CREB3L2: variants seen among roughly 807,000 people sequenced by gnomAD.
CREB3L2 encodes cAMP responsive element binding protein 3 like 2.
A neutral mutation model predicts 57.2 loss-of-function variants in CREB3L2; 23 were observed. That is an observed-to-expected ratio of 0.40 (90% CI 0.29 to 0.57). The LOEUF is 0.57. Ranked by LOEUF, CREB3L2 falls within the 20% of genes least tolerant of loss-of-function variation. The pLI, the probability that CREB3L2 is intolerant of heterozygous loss-of-function variation, is 0.42. For missense variants in CREB3L2, 628 were observed against 634.7 expected (o/e 0.99, Z 0.11); for synonymous variants, 268 against 265.1 (o/e 1.01, Z -0.11).
At chr7:137,987,558 T>C (rs1801812869) in intron 1 of CREB3L2, among the ~76,000 whole-genome samples, 1 of 152,260 alleles carries the variant, frequency 6.6e-6, no homozygotes. Flanking sequence ...TGACTCCATA[T>C]GCCAAAAGTC....
At chr7:137,960,640 A>T (rs1285039672) in intron 1 of CREB3L2, among the ~76,000 whole-genome samples, 1 of 152,158 alleles carries the variant, frequency 6.6e-6, no homozygotes, top group Non-Finnish European at 1.5e-5. Context: ...ACATACCTGG[A>T]AAGACATCCA....
At position 137,974,499 on chromosome 7, in the gene CREB3L2, G is replaced by A. The variant is rs189804090; in HGVS notation, c.102+27105C>T. On this transcript the variant is annotated intron_variant, in intron 1 of 11. Coordinates refer to ENST00000330387, the MANE Select transcript of CREB3L2 (RefSeq NM_194071.4). ...CATGGATGGAGCGCAGATTGTCAGG[G>A]AAGAGATCAGATGTCAGGGAAGAAA... 1.4e-4 allele frequency among the ~76,000 whole-genome samples: 21 copies of A among 152,306 alleles called. No individual in the cohort carries two copies. The East Asian group carries it at 4.1e-3, about 29-fold the overall frequency.
chr7:137,887,159 G>A (rs1050404957), intron 8 of CREB3L2, among the ~76,000 whole-genome samples: 1 of 152,102 alleles, frequency 6.6e-6, no homozygotes, highest in Admixed American at 6.5e-5. Flanking sequence ...GAATGCTGTG[G>A]GCTTTCGCAG....
chr7:137,927,755 A>C (rs1186617467), intron 2 of CREB3L2, among the ~76,000 whole-genome samples: 1 of 150,350 alleles, frequency 6.7e-6, no homozygotes, highest in African/African-American at 2.5e-5. Context: ...AGGATGCCCA[A>C]GAAGCTTCTA....
chr7:137,963,861 T>G (rs1251093384), intron 1 of CREB3L2, among the ~76,000 whole-genome samples: 1 of 152,168 alleles, frequency 6.6e-6, no homozygotes, highest in Middle Eastern at 3.2e-3. Context: ...CTTATTTTGT[T>G]CAATGTTAGG....
chr7:137,960,217 G>T (rs1801295398), intron 1 of CREB3L2, among the ~76,000 whole-genome samples: 1 of 152,188 alleles, frequency 6.6e-6, no homozygotes, highest in African/African-American at 2.4e-5. Flanking sequence ...TGGTTTGCAT[G>T]TGCTGGAGCT....
Position 137,899,797 on chromosome 7 carries a change from G to A in CREB3L2, c.1043+1557C>T, listed in dbSNP as rs980449877. Among the ~76,000 whole-genome samples the A allele has an allele frequency of 3.9e-5, 6 of 152,272 alleles. No individual in the cohort carries two copies. In the East Asian group the frequency reaches 7.7e-4, roughly 20 times the overall value. ...AAAATTTCAGGGGGATCCCACTGGC[G>A]GTAGTTTTAGCTTATGTCTATATTA... On this transcript the variant is annotated intron_variant, in intron 8 of 11. Transcript: ENST00000330387.
chr7:137,882,426 C>A lies in CREB3L2; in HGVS notation c.1473G>T (p.Glu491Asp). The A allele has an allele frequency of 1.2e-6, 2 of 1,613,140 alleles. No individual in the cohort carries two copies. The highest frequency in any genetic ancestry group is 1.7e-6 in the Non-Finnish European group (2 of 1,179,240). The change falls in exon 11 of 12, where the codon GAG (glutamate) becomes GAT (aspartate). Residue 491 changes from glutamate (E) to aspartate (D), a missense_variant. Transcript: ENST00000330387. ...ETSLEKSVLL[E>D]LQQHLVSAKL... Reference sequence around the variant, plus strand: ...CTATGACTCACAGGTGCTGCTGCAGCTCCAAAAGCACTGACTTCTCCAGGC... The same window carrying A: ...CTATGACTCACAGGTGCTGCTGCAGATCCAAAAGCACTGACTTCTCCAGGC...
In CREB3L2 at chr7:137,875,107, C is replaced by G; in HGVS notation, c.*5369G>C. 1 of 177,888 alleles carries G rather than the reference C, an allele frequency of 5.6e-6. No individual in the cohort carries two copies. Among genetic ancestry groups the G allele is most frequent in the East Asian group, 9.0e-5 (1 of 11,136 alleles). 11.0% of individuals were successfully genotyped at this position (177,888 alleles called of 1,614,324 possible). A position where few individuals can be genotyped will look rare whatever the true frequency, so the allele number is the denominator to read the frequency against. On this transcript the variant is annotated 3_prime_UTR_variant, in exon 12 of 12. Transcript: ENST00000330387. ...AGCTTTTTTTTTTTTTTGGTATTTA[C>G]TTAGCTATGATAAAGAATAAAAAGT...
chr7:137,914,863 C>T (rs6467725), intron 3 of CREB3L2, among the ~76,000 whole-genome samples: 7,919 of 152,118 alleles, frequency 0.052, 433 homozygotes, highest in Admixed American at 0.17. Context: ...ATATTCTGAA[C>T]AGGTAGACAC....
intron 1 of CREB3L2, among the ~76,000 whole-genome samples, chr7:137,954,580 C>G (rs1443811295): frequency 6.6e-6 from 1 of 152,154 alleles, no homozygotes; most frequent in Non-Finnish European, 1.5e-5. Flanking sequence ...TGCTTGCGTC[C>G]AAACTACCCT....
chr7:137,943,958 A>T (rs1800920492), intron 1 of CREB3L2, among the ~76,000 whole-genome samples: 1 of 152,212 alleles, frequency 6.6e-6, no homozygotes, highest in Non-Finnish European at 1.5e-5. Flanking sequence ...TGTTTTCAGC[A>T]TTCATGCAAA....
intron 1 of CREB3L2, chr7:137,956,698 CTTGAATTTCACAA>C (rs1801219949): frequency 8.3e-7 from 1 of 1,200,296 alleles, no homozygotes; most frequent in African/African-American, 1.6e-5. Flanking sequence ...TTTACTTTAA[CTTGAATTTCACAA>C]TCCAGGTTCT....
chr7:137,972,555 A>C (rs1801524311), intron 1 of CREB3L2, among the ~76,000 whole-genome samples: 2 of 149,936 alleles, frequency 1.3e-5, no homozygotes, highest in South Asian at 2.1e-4. Flanking sequence ...TTTCTTGATA[A>C]ATAAAAGGAA....
At chr7:137,912,090 A>C (rs550528592) in intron 4 of CREB3L2, among the ~76,000 whole-genome samples, 1 of 152,118 alleles carries the variant, frequency 6.6e-6, no homozygotes, top group Non-Finnish European at 1.5e-5. Flanking sequence ...AAATATAACA[A>C]CCTTGGCCAG....
At chr7:137,919,723 T>A (rs1800228734) in intron 2 of CREB3L2, among the ~76,000 whole-genome samples, 1 of 152,228 alleles carries the variant, frequency 6.6e-6, no homozygotes, top group Admixed American at 6.5e-5. Context: ...ATGGAATATT[T>A]ATGCAGACAT....
Position 137,908,387 on chromosome 7 carries a change from G to A in CREB3L2, c.633C>T (p.Gly211=). The A allele has an allele frequency of 7.9e-7, 1 of 1,262,714 alleles. No homozygotes were observed. The allele number at this position is 1,262,714 out of a possible 1,614,324, so 78.2% of individuals were successfully genotyped here. A position where few individuals can be genotyped will look rare whatever the true frequency, so the allele number is the denominator to read the frequency against. ...HLPPTPPSSH[G]SDSEGSLSPN... ...GACTCAGGCTGCCCTCTGAGTCACT[G>A]CCGTGACTGCTCGGAGGGGTGGGCG... Residue 211 remains glycine (G), a synonymous_variant, in exon 5 of 12, where the codon GGC becomes GGT. Transcript: ENST00000330387.
intron 1 of CREB3L2, among the ~76,000 whole-genome samples, chr7:137,973,203 C>A (rs1801548834): frequency 6.6e-6 from 1 of 150,624 alleles, no homozygotes; most frequent in Non-Finnish European, 1.5e-5. Flanking sequence ...AATAGCATAT[C>A]ATGAAAAACT....
chr7:137,982,203 C>T (rs1801722704), intron 1 of CREB3L2, among the ~76,000 whole-genome samples: 10 of 152,190 alleles, frequency 6.6e-5, no homozygotes, highest in Admixed American at 6.5e-4. Context: ...ACATACAATG[C>T]CCTAAAGAGC....
Sources: allele counts gnomAD v4.1 joint callset (sites outside exome capture counted in the v4.1 genomes callset), GRCh38; gene constraint gnomAD v4.1.1; transcripts MANE v1.5; gene names NCBI Gene and HGNC (gene_info 2026-07-23, HGNC 2026-07-21).